FBN2: variants seen among roughly 807,000 people sequenced by gnomAD.
FBN2 encodes fibrillin-2.
A neutral mutation model predicts 355.6 loss-of-function variants in FBN2; 105 were observed. The ratio of observed to expected loss-of-function variants is 0.30; its 90% CI spans 0.25 to 0.35. The LOEUF is 0.35. FBN2 is among the 10% of genes least tolerant of loss of function. The pLI is 1.00. For missense variants in FBN2, 3,280 were observed against 3,758.7 expected (o/e 0.87, Z 3.33); for synonymous variants, 1,350 against 1,301.2 (o/e 1.04, Z -0.81).
At chr5:128,390,769 G>A (rs1752488864) in intron 11 of FBN2, among the ~76,000 whole-genome samples, 1 of 152,070 alleles carries the variant, frequency 6.6e-6, no homozygotes, top group South Asian at 2.1e-4. Context: ...TTATTAATCT[G>A]GCAGACATTT....
At chr5:128,534,448 A>G (rs185149140) in intron 2 of FBN2, among the ~76,000 whole-genome samples, 5 of 152,330 alleles carry the variant, frequency 3.3e-5, no homozygotes, top group Admixed American at 1.3e-4. Flanking sequence ...CACTGTCCCT[A>G]TTTTGTGCAC....
chr5:128,309,124 C>T, intron 41 of FBN2, 123 bp downstream of exon 41: 1 of 973,860 alleles, frequency 1.0e-6, no homozygotes, highest in South Asian at 1.4e-5. Flanking sequence ...CCATATGATG[C>T]TCTTGGGAAT....
intron 7 of FBN2, among the ~76,000 whole-genome samples, chr5:128,421,028 C>T (rs1028386538): frequency 1.3e-5 from 2 of 152,062 alleles, no homozygotes; most frequent in Middle Eastern, 3.2e-3. Context: ...AGGAGTTCTT[C>T]CAGACAATGA....
intron 6 of FBN2, among the ~76,000 whole-genome samples, chr5:128,456,022 A>AAAAAAAAAAC (rs1362762303): frequency 6.8e-6 from 1 of 147,946 alleles, no homozygotes; most frequent in African/African-American, 2.5e-5. Flanking sequence ...AAAAAAAAAA[A>AAAAAAAAAAC]AGCAACTGCT....
intron 36 of FBN2, among the ~76,000 whole-genome samples, chr5:128,313,984 A>T (rs1427554606): frequency 2.0e-5 from 3 of 151,070 alleles, no homozygotes; most frequent in African/African-American, 7.3e-5. Flanking sequence ...TACCTAGTCT[A>T]ATGTAATAGT....
intron 8 of FBN2, among the ~76,000 whole-genome samples, chr5:128,396,302 G>A (rs1752648588): frequency 6.6e-6 from 1 of 152,160 alleles, no homozygotes; most frequent in Non-Finnish European, 1.5e-5. Flanking sequence ...TTGAATAAAT[G>A]AGCCTGGAAT....
intron 2 of FBN2, among the ~76,000 whole-genome samples, chr5:128,535,663 G>A (rs1184174797): frequency 1.3e-5 from 2 of 152,116 alleles, no homozygotes; most frequent in African/African-American, 2.4e-5. Context: ...TTGGAGAACT[G>A]GTTATACACT....
At chr5:128,331,802 C>T (rs1405209404) in intron 32 of FBN2, among the ~76,000 whole-genome samples, 1 of 152,110 alleles carries the variant, frequency 6.6e-6, no homozygotes, top group African/African-American at 2.4e-5. Flanking sequence ...AGGCTGGACA[C>T]AGCTGAATGT....
chr5:128,504,506 C>T (rs796956960), intron 5 of FBN2, among the ~76,000 whole-genome samples: 16 of 152,290 alleles, frequency 1.1e-4, no homozygotes, highest in African/African-American at 3.8e-4. Context: ...TCAGCATGAC[C>T]TGGATGTGAG....
chr5:128,289,598 TAAATA>T (rs1749261897), intron 51 of FBN2, among the ~76,000 whole-genome samples: 1 of 151,616 alleles, frequency 6.6e-6, no homozygotes, highest in Non-Finnish European at 1.5e-5. Flanking sequence ...AATAAATAAA[TAAATA>T]AATAAAATAA....
At chr5:128,410,185 G>C (rs990128607) in intron 7 of FBN2, among the ~76,000 whole-genome samples, 51 of 152,176 alleles carry the variant, frequency 3.4e-4, no homozygotes, top group African/African-American at 1.1e-3. Context: ...ACTACATGAG[G>C]AGTAAATACA....
At chr5:128,272,160 TCTA>T in intron 61 of FBN2, 42 bp from the exon 62 acceptor site, 1 of 1,612,912 alleles carries the variant, frequency 6.2e-7, no homozygotes, top group Middle Eastern at 1.7e-4. Context: ...TCACCTTTCT[TCTA>T]CTATTTTTAA....
chr5:128,424,507 C>G (rs1322228845), intron 7 of FBN2, among the ~76,000 whole-genome samples: 4 of 152,076 alleles, frequency 2.6e-5, no homozygotes, highest in African/African-American at 4.8e-5. Flanking sequence ...AGCCTGTGGT[C>G]TGTCACATTA....
At chr5:128,288,578 AC>A (rs1749225120) in intron 52 of FBN2, 21 bp from the exon 53 acceptor site, 2 of 1,611,918 alleles carry the variant, frequency 1.2e-6, no homozygotes, top group Admixed American at 3.3e-5. Context: ...AGAATAAGAA[AC>A]TGCCACAAAG....
chr5:128,489,956 G>T (rs576359492), intron 5 of FBN2, among the ~76,000 whole-genome samples: 11 of 152,280 alleles, frequency 7.2e-5, no homozygotes, highest in African/African-American at 2.6e-4. Context: ...TAGGAATGAG[G>T]CAGACCTGGG....
At chr5:128,381,287 T>A (rs777321250) in intron 11 of FBN2, among the ~76,000 whole-genome samples, 1 of 152,096 alleles carries the variant, frequency 6.6e-6, no homozygotes, top group Non-Finnish European at 1.5e-5. Flanking sequence ...TTTTCAGGCA[T>A]CAGGAGCAAT....
intron 17 of FBN2, among the ~76,000 whole-genome samples, chr5:128,365,552 C>T (rs1042677754): frequency 4.6e-5 from 7 of 151,842 alleles, no homozygotes; most frequent in Non-Finnish European, 8.8e-5. Flanking sequence ...TTACTTTTCA[C>T]TCTGGTTTGG....
chr5:128,261,249 A>C (rs1764956735), intron 64 of FBN2, among the ~76,000 whole-genome samples: 2 of 152,208 alleles, frequency 1.3e-5, no homozygotes, highest in African/African-American at 4.8e-5. Flanking sequence ...GCAATTTCCA[A>C]CTTCAGTTCC....
chr5:128,349,267 G>A (rs1751279094), intron 23 of FBN2, 80 bp downstream of exon 23: 5 of 1,537,148 alleles, frequency 3.3e-6, no homozygotes, highest in Non-Finnish European at 2.7e-6. Flanking sequence ...AAACTCTTGT[G>A]GTTTTGGACT....
Sources: allele counts gnomAD v4.1 joint callset (sites outside exome capture counted in the v4.1 genomes callset), GRCh38; gene constraint gnomAD v4.1.1; transcripts MANE v1.5; gene names NCBI Gene and HGNC (gene_info 2026-07-23, HGNC 2026-07-21).